Variants in TMEM117 observed in about 807,000 individuals in gnomAD.
TMEM117 encodes the protein transmembrane protein 117.
A neutral mutation model predicts 52.4 loss-of-function variants in TMEM117; 27 were observed. The ratio of observed to expected loss-of-function variants is 0.51; its 90% confidence interval spans 0.38 to 0.71. TMEM117 has a LOEUF of 0.71. Among genes scored for constraint, TMEM117 ranks in the 30% least tolerant of loss-of-function variants. The pLI is 0.00. For missense variants in TMEM117, 556 were observed against 630.5 expected, an observed-to-expected ratio of 0.88 and a Z score of 1.26; for synonymous variants, 215 against 206.3, an observed-to-expected ratio of 1.04 and a Z score of -0.36.
At chr12:44,023,191 A>G (rs1946480648) in intron 3 of TMEM117, among the ~76,000 whole-genome samples, 2 of 152,178 alleles carry the variant, frequency 1.3e-5, no homozygotes, top group African/African-American at 2.4e-5. Context: ...TCCATGGTGT[A>G]TATGTGCCAC....
intron 2 of TMEM117, among the ~76,000 whole-genome samples, chr12:43,871,802 T>A (rs1731440): frequency 0.72 from 110,125 of 152,162 alleles, 43,209 homozygotes; most frequent in East Asian, 0.93. Context: ...AGGAACCTTT[T>A]TCCCTTTGTT....
intron 7 of TMEM117, among the ~76,000 whole-genome samples, chr12:44,384,922 A>G (rs979816521): frequency 1.4e-4 from 22 of 152,162 alleles, no homozygotes; most frequent in Non-Finnish European, 2.6e-4. Context: ...TAATCCTTTG[A>G]GGTAGTTACA....
chr12:44,376,840 C>G, intron 7 of TMEM117, 116 bp downstream of exon 7: 1 of 1,158,220 alleles, frequency 8.6e-7, no homozygotes, highest in East Asian at 2.7e-5. Context: ...TGTTATTTCT[C>G]ATTCACTTAA....
intron 2 of TMEM117, among the ~76,000 whole-genome samples, chr12:43,883,270 G>A (rs7956766): frequency 0.1 from 15,688 of 152,160 alleles, 2,436 homozygotes; most frequent in African/African-American, 0.34. Context: ...CATTTAAAAA[G>A]AGAAACATTG....
the TMEM117 span, among the ~76,000 whole-genome samples, chr12:43,803,974 T>G: frequency 6.6e-6 from 1 of 152,158 alleles, no homozygotes; most frequent in Non-Finnish European, 1.5e-5. Flanking sequence ...GATTCCCTGT[T>G]TACAGAATTA....
Position 44,193,321 on chromosome 12 carries a change from C to A in TMEM117, c.511-17969C>A, listed in dbSNP as rs531423788. 1.2e-4 allele frequency among the ~76,000 whole-genome samples: 19 copies of A among 152,248 alleles called. No individual in the cohort carries two copies. The South Asian group carries it at 3.9e-3, about 32-fold the overall frequency. ...GGCTATATAATTTTTTAAAATAAAA[C>A]AGACGGATAAGTAAAACAGCAATCT... On this transcript the variant is annotated intron_variant, in intron 4 of 7. Coordinates refer to ENST00000266534, the MANE Select transcript of TMEM117 (RefSeq NM_032256.3).
At chr12:44,022,257 G>A (rs1048929262) in intron 3 of TMEM117, among the ~76,000 whole-genome samples, 1 of 152,172 alleles carries the variant, frequency 6.6e-6, no homozygotes, top group Non-Finnish European at 1.5e-5. Flanking sequence ...GTAAAATAAT[G>A]ATGATACTAC....
chr12:43,914,917 A>T (rs1048618939), intron 2 of TMEM117, among the ~76,000 whole-genome samples: 2 of 152,160 alleles, frequency 1.3e-5, no homozygotes, highest in African/African-American at 4.8e-5. Context: ...GCAAATTTAT[A>T]TTAAAACTCA....
intron 3 of TMEM117, among the ~76,000 whole-genome samples, chr12:44,061,827 T>C (rs905668229): frequency 6.6e-6 from 1 of 151,850 alleles, no homozygotes; most frequent in Non-Finnish European, 1.5e-5. Flanking sequence ...AAGAAAACAA[T>C]AGGGAGTGAG....
Position 43,902,511 on chromosome 12 carries a change from C to T in TMEM117, c.278-41699C>T, listed in dbSNP as rs544772070. 3.3e-5 allele frequency among the ~76,000 whole-genome samples: 5 copies of T among 152,272 alleles called. No homozygotes were observed. In the East Asian group the frequency reaches 5.8e-4, roughly 18 times the overall value. On this transcript the variant is annotated intron_variant, in intron 2 of 7. Transcript: ENST00000266534. ...CTACATTGAGCTAAAGTTCCCTTCT[C>T]GTGAGGATGCTGTTGGTCCAAAGCC...
At chr12:44,323,355 A>G (rs1286842492) in intron 6 of TMEM117, among the ~76,000 whole-genome samples, 1 of 152,182 alleles carries the variant, frequency 6.6e-6, no homozygotes, top group Non-Finnish European at 1.5e-5. Context: ...CCCAACACTG[A>G]GTGTTAACTG....
At chr12:44,151,344 G>A (rs1163151605) in intron 4 of TMEM117, among the ~76,000 whole-genome samples, 1 of 147,030 alleles carries the variant, frequency 6.8e-6, no homozygotes, top group African/African-American at 2.5e-5. Flanking sequence ...TTTTTTGATG[G>A]AATTTTCTTT....
chr12:43,799,304 T>C, the TMEM117 span: 2 of 798,936 alleles, frequency 2.5e-6, no homozygotes, highest in South Asian at 4.5e-5. Context: ...ACCTAACTTC[T>C]TTAATCTCTA....
At chr12:44,380,695 C>T (rs139153851) in intron 7 of TMEM117, among the ~76,000 whole-genome samples, 16 of 152,196 alleles carry the variant, frequency 1.1e-4, no homozygotes, top group Middle Eastern at 3.4e-3. Flanking sequence ...GCACTTATGA[C>T]GCTGCCTGCC....
chr12:43,978,978 G>A (rs138049835), intron 3 of TMEM117, among the ~76,000 whole-genome samples: 3 of 151,114 alleles, frequency 2.0e-5, no homozygotes, highest in African/African-American at 7.3e-5. Context: ...TTGCCTCTGA[G>A]AAATAGTATG....
chr12:44,379,799 C>A (rs1277766059), intron 7 of TMEM117, among the ~76,000 whole-genome samples: 2 of 152,158 alleles, frequency 1.3e-5, no homozygotes, highest in Admixed American at 6.5e-5. Flanking sequence ...CTCCTCCGAG[C>A]CCTGGTACTT....
chr12:44,151,990 CA>C (rs1948735808), intron 4 of TMEM117, among the ~76,000 whole-genome samples: 1 of 112,844 alleles, frequency 8.9e-6, no homozygotes, highest in African/African-American at 3.5e-5. Context: ...TATATATAAA[CA>C]TTATTATAAA....
At chr12:44,159,171 C>T (rs1948866577) in intron 4 of TMEM117, among the ~76,000 whole-genome samples, 1 of 152,084 alleles carries the variant, frequency 6.6e-6, no homozygotes, top group South Asian at 2.1e-4. Flanking sequence ...AATGGCAATC[C>T]TTAATCACCA....
intron 2 of TMEM117, among the ~76,000 whole-genome samples, chr12:43,907,188 C>G (rs1343136785): frequency 1.3e-5 from 2 of 152,216 alleles, no homozygotes; most frequent in East Asian, 3.9e-4. Context: ...GTCCCTGACC[C>G]CTGACCCCTG....
Sources: gnomAD v4.1 joint callset for allele counts (sites outside exome capture counted in the v4.1 genomes callset) on GRCh38, gnomAD v4.1.1 for gene constraint, MANE v1.5 for transcripts, NCBI Gene and HGNC (gene_info 2026-07-23, HGNC 2026-07-21) for gene names.